The following CHD1 variants were observed in gnomAD, a reference collection of about 807,000 sequenced individuals.
CHD1 encodes ATP-dependent chromatin remodeler CHD1.
Under a neutral mutation model 224.2 loss-of-function variants are expected in CHD1, and 36 were observed. The ratio of observed to expected loss-of-function variants is 0.16; its 90% CI spans 0.12 to 0.21. The LOEUF (loss-of-function observed/expected upper bound fraction) is 0.21. Among genes scored for constraint, CHD1 ranks in the 10% least tolerant of loss-of-function variants. CHD1 has a pLI of 1.00. For synonymous variants in CHD1, 668 were observed against 658.3 expected, an observed-to-expected ratio of 1.01 and a Z score of -0.23; for missense variants, 1,378 against 1,994.8, an observed-to-expected ratio of 0.69 and a Z score of 5.89.
intron 2 of CHD1, among the ~76,000 whole-genome samples, chr5:98,914,500 G>A: frequency 6.6e-6 from 1 of 150,962 alleles, no homozygotes. Flanking sequence ...AGTTTCTATT[G>A]GGAACAAAAT....
At chr5:98,868,792 A>C in intron 30 of CHD1, 157 bp from the exon 31 acceptor site, 1 of 791,082 alleles carries the variant, frequency 1.3e-6, no homozygotes, top group Non-Finnish European at 1.9e-6. Flanking sequence ...TTTTTCCCCA[A>C]TTTTATTTGG....
At chr5:98,888,736 G>A (rs1051420182) in intron 16 of CHD1, among the ~76,000 whole-genome samples, 1 of 152,160 alleles carries the variant, frequency 6.6e-6, no homozygotes, top group Non-Finnish European at 1.5e-5. Context: ...AGGTCAAGAT[G>A]TCCTTTAGAT....
intron 33 of CHD1, 34 bp downstream of exon 33, chr5:98,859,938 T>C (rs763060981): frequency 2.7e-6 from 3 of 1,095,826 alleles, no homozygotes; most frequent in Non-Finnish European, 4.0e-6. Context: ...TTTAATTATA[T>C]AAATTCAGGG....
Position 98,893,911 on chromosome 5 carries a change from A to T in CHD1, c.1801-305T>A, listed in dbSNP as rs146898910. Among the ~76,000 whole-genome samples the T allele has an allele frequency of 5.6e-3, 850 of 152,292 alleles. 8 individuals are homozygous for T. Among genetic ancestry groups the T allele is most frequent in the African/African-American group, 0.019 (788 of 41,566 alleles). On this transcript the variant is annotated intron_variant, in intron 13 of 35. Transcript: ENST00000614616. The stretch of plus-strand genomic sequence containing the variant: ...AATTTTTACAAAAGATTTTTAGCCT[A>T]ACCCCAATAGAAGCCTCTATTAATG...
chr5:98,875,169 C>A, intron 24 of CHD1, 56 bp from the exon 25 acceptor site: 2 of 951,744 alleles, frequency 2.1e-6, no homozygotes, highest in South Asian at 1.5e-5. Context: ...TAAAATTATA[C>A]GTATTTCTGA....
At chr5:98,872,226 G>T in intron 27 of CHD1, 25 bp from the exon 28 acceptor site, 1 of 1,590,500 alleles carries the variant, frequency 6.3e-7, no homozygotes, top group Non-Finnish European at 8.5e-7. Context: ...AATAACTAAT[G>T]ATAAGTTTGT....
At position 98,928,838 on chromosome 5, in the gene CHD1, C is replaced by G. The variant is rs998452849; in HGVS notation, c.-448G>C. The stretch of plus-strand genomic sequence containing the variant: ...CGCCGCCGCCGCCGTCGCGCGCGCG[C>G]TCCCGCTCCCTCCGCTTATCTGCCC... On this transcript the variant is annotated 5_prime_UTR_variant, in exon 1 of 36. Coordinates refer to ENST00000614616, the MANE Select transcript of CHD1 (RefSeq NM_001270.4). 3 of 158,400 alleles carry G rather than the reference C, an allele frequency of 1.9e-5. No homozygotes were observed. The highest frequency in any genetic ancestry group is 1.3e-4 in the Admixed American group (2 of 15,250). The allele number at this position is 158,400 out of a possible 1,614,324, so 9.8% of individuals were successfully genotyped here. A position where few individuals can be genotyped will look rare whatever the true frequency, so the allele number is the denominator to read the frequency against.
At chr5:98,912,589 A>G (rs1182757919) in intron 2 of CHD1, among the ~76,000 whole-genome samples, 1 of 152,108 alleles carries the variant, frequency 6.6e-6, no homozygotes, top group Non-Finnish European at 1.5e-5. Context: ...GGGAATCACT[A>G]GAACCCAGGA....
chr5:98,924,656 A>G (rs144211768), intron 2 of CHD1, among the ~76,000 whole-genome samples: 12 of 152,322 alleles, frequency 7.9e-5, no homozygotes, highest in African/African-American at 2.6e-4. Context: ...CTGATAAACT[A>G]AAGTATAACT....
At chr5:98,916,335 C>G (rs966553507) in intron 2 of CHD1, among the ~76,000 whole-genome samples, 2 of 151,886 alleles carry the variant, frequency 1.3e-5, no homozygotes, top group African/African-American at 4.8e-5. Context: ...CACCTGAGTT[C>G]AGGAGTTCGA....
Position 98,858,193 on chromosome 5 carries a change from TGTA to T in CHD1, c.4771_4773del (p.Tyr1591del). ...TGCCAAGTTTACCTGCTGTCTTGCT[TGTA>T]GTGATCCCAATCACGATGGTCTTTA... On this transcript the variant is annotated inframe_deletion, in exon 35 of 36. Coordinates refer to ENST00000614616, the MANE Select transcript of CHD1 (RefSeq NM_001270.4). 1 of 1,612,980 alleles carries T rather than the reference TGTA, an allele frequency of 6.2e-7. No individual in the cohort carries two copies. The highest frequency in any genetic ancestry group is 2.2e-5 in the East Asian group (1 of 44,826).
rs138869030 is a variant in CHD1, at chr5:98,859,298, T to C, written c.4525-283A>G. On this transcript the variant is annotated intron_variant, in intron 33 of 35. Transcript: ENST00000614616. ...TTCATCTAGCTTCTCCTAATGTTAA[T>C]ATCTTATACAAACATAGTATAATGA... Among the ~76,000 whole-genome samples the C allele has an allele frequency of 1.9e-3, 287 of 152,262 alleles. 1 individual carries two copies. Among genetic ancestry groups the C allele is most frequent in the African/African-American group, 6.3e-3 (264 of 41,576 alleles).
intron 31 of CHD1, among the ~76,000 whole-genome samples, chr5:98,865,404 CCT>C (rs1748787266): frequency 6.6e-6 from 1 of 152,098 alleles, no homozygotes; most frequent in Non-Finnish European, 1.5e-5. Context: ...CTTTATTCTC[CCT>C]CTAAGTCATG....
At chr5:98,913,528 G>T (rs916808048) in intron 2 of CHD1, among the ~76,000 whole-genome samples, 1 of 152,094 alleles carries the variant, frequency 6.6e-6, no homozygotes, top group African/African-American at 2.4e-5. Flanking sequence ...ATTTTTGGAC[G>T]CACACTTCCC....
chr5:98,922,444 TTA>T (rs1753161872), intron 2 of CHD1, among the ~76,000 whole-genome samples: 2 of 152,164 alleles, frequency 1.3e-5, no homozygotes, highest in South Asian at 4.1e-4. Context: ...CAGTGAATAG[TTA>T]TAGAGAGATC....
At chr5:98,895,608 C>G (rs1258111520) in intron 12 of CHD1, among the ~76,000 whole-genome samples, 4 of 151,672 alleles carry the variant, frequency 2.6e-5, no homozygotes, top group Non-Finnish European at 5.9e-5. Context: ...TGAAAATTAG[C>G]CGGGCCTGGT....
intron 2 of CHD1, among the ~76,000 whole-genome samples, chr5:98,914,377 GC>G (rs1752612335): frequency 6.6e-6 from 1 of 152,260 alleles, no homozygotes; most frequent in African/African-American, 2.4e-5. Flanking sequence ...TGTTTCTCTA[GC>G]TAACACACTG....
intron 7 of CHD1, 26 bp downstream of exon 7, chr5:98,900,785 A>G (rs1751652114): frequency 2.5e-6 from 4 of 1,585,228 alleles, no homozygotes; most frequent in Non-Finnish European, 3.4e-6. Context: ...AAATAACCAA[A>G]CAATAAATGG....
chr5:98,889,978 T>G (rs1469088109), intron 15 of CHD1: 3 of 152,260 alleles, frequency 2.0e-5, no homozygotes, highest in African/African-American at 7.2e-5. Flanking sequence ...CACCGCATGT[T>G]CTCACTTACA....
Sources: allele counts gnomAD v4.1 joint callset (sites outside exome capture counted in the v4.1 genomes callset), GRCh38; gene constraint gnomAD v4.1.1; transcripts MANE v1.5; gene names NCBI Gene and HGNC (gene_info 2026-07-23, HGNC 2026-07-21).